The following SMC5 variants were observed in gnomAD, a reference collection of about 807,000 sequenced individuals.
The protein encoded by SMC5 is structural maintenance of chromosomes 5, also known as structural maintenance of chromosomes protein 5.
A neutral mutation model predicts 148.3 loss-of-function variants in SMC5; 88 were observed. That is an observed-to-expected ratio of 0.59 (90% CI 0.50 to 0.71). The LOEUF is 0.71. Ranked by LOEUF, SMC5 falls within the 30% of genes least tolerant of loss-of-function variation. The probability of loss-of-function intolerance (pLI) is 0.00; values close to 1 mark genes in which losing one functional copy is unlikely to be tolerated. For missense variants in SMC5, 1,142 were observed against 1,298.9 expected, an observed-to-expected ratio of 0.88 and a Z score of 1.86; for synonymous variants, 421 against 432.8, an observed-to-expected ratio of 0.97 and a Z score of 0.34.
At chr9:70,347,793 T>A in intron 21 of SMC5, 76 bp downstream of exon 21, 1 of 1,258,174 alleles carries the variant, frequency 7.9e-7, no homozygotes, top group Non-Finnish European at 1.1e-6. Context: ...GAAAATGAGA[T>A]GACATGCTTC....
chr9:70,272,542 A>G (rs2034481060), intron 3 of SMC5, among the ~76,000 whole-genome samples: 1 of 152,108 alleles, frequency 6.6e-6, no homozygotes, highest in African/African-American at 2.4e-5. Flanking sequence ...GCGAGACTCC[A>G]TCTCCACACA....
chr9:70,297,721 A>G (rs1368614944), intron 8 of SMC5, among the ~76,000 whole-genome samples: 1 of 152,186 alleles, frequency 6.6e-6, no homozygotes, highest in East Asian at 1.9e-4. Flanking sequence ...GGAAATATTT[A>G]ATGAGTGTTA....
intron 8 of SMC5, among the ~76,000 whole-genome samples, chr9:70,294,535 G>A (rs984748328): frequency 6.6e-6 from 1 of 152,176 alleles, no homozygotes; most frequent in Non-Finnish European, 1.5e-5. Flanking sequence ...GGAAAGAAAT[G>A]TAAAAAGGTA....
intron 12 of SMC5, 46 bp downstream of exon 12, chr9:70,314,882 A>C: frequency 8.8e-7 from 1 of 1,134,780 alleles, no homozygotes. Flanking sequence ...TGAATTATTC[A>C]ACATTTATTG....
At chr9:70,305,065 TATTG>T (rs1385640297) in intron 10 of SMC5, among the ~76,000 whole-genome samples, 178 bp from the exon 11 acceptor site, 5 of 152,302 alleles carry the variant, frequency 3.3e-5, no homozygotes, top group African/African-American at 1.2e-4. Context: ...CCATGTACTG[TATTG>T]ATTGTTTCTG....
At chr9:70,342,773 C>T (rs1233325348) in intron 17 of SMC5, among the ~76,000 whole-genome samples, 1 of 152,122 alleles carries the variant, frequency 6.6e-6, no homozygotes, top group African/African-American at 2.4e-5. Flanking sequence ...GCAGTCTGGC[C>T]CTTGTCCATT....
Position 70,353,422 on chromosome 9 carries a change from T to C in SMC5, c.*1091T>C, listed in dbSNP as rs1318831007. 6.6e-6 allele frequency: 1 copy of C among 152,188 alleles called. No individual in the cohort carries two copies. The highest frequency in any genetic ancestry group is 1.9e-4 in the East Asian group (1 of 5,200). 9.4% of individuals were successfully genotyped at this position (152,188 alleles called of 1,614,324 possible). ...TTTATCTCTAAGTTATACTAATTAG[T>C]AGAACCAAACAAATTATCTTCTTTT... On this transcript the variant is annotated 3_prime_UTR_variant, in exon 25 of 25. Coordinates refer to ENST00000361138, the MANE Select transcript of SMC5 (RefSeq NM_015110.4).
intron 8 of SMC5, among the ~76,000 whole-genome samples, chr9:70,293,946 G>A (rs2035131191): frequency 6.6e-6 from 1 of 152,050 alleles, no homozygotes; most frequent in African/African-American, 2.4e-5. Flanking sequence ...TGGAATTTTT[G>A]TTTTTAATGG....
At chr9:70,278,141 C>CT (rs545684294) in intron 4 of SMC5, among the ~76,000 whole-genome samples, 6 of 150,746 alleles carry the variant, frequency 4.0e-5, no homozygotes, top group Non-Finnish European at 8.9e-5. Flanking sequence ...TTGAAATTGC[C>CT]TTTTTTTTTC....
At chr9:70,343,089 A>T (rs376138203) in intron 17 of SMC5, among the ~76,000 whole-genome samples, 1 of 151,614 alleles carries the variant, frequency 6.6e-6, no homozygotes, top group Admixed American at 6.6e-5. Flanking sequence ...GATCTGAATC[A>T]TGACAGTCTC....
At chr9:70,278,277 T>C (rs1175996017) in intron 4 of SMC5, among the ~76,000 whole-genome samples, 3 of 152,112 alleles carry the variant, frequency 2.0e-5, no homozygotes, top group African/African-American at 7.2e-5. Flanking sequence ...CCTTGAAATA[T>C]TGGCACAGAA....
intron 6 of SMC5, among the ~76,000 whole-genome samples, chr9:70,282,066 T>TA (rs1436787760): frequency 6.6e-6 from 1 of 151,836 alleles, no homozygotes; most frequent in East Asian, 1.9e-4. Context: ...TTACCCTTTA[T>TA]ACTTGAGTTT....
chr9:70,297,202 G>A (rs74793950), intron 8 of SMC5, among the ~76,000 whole-genome samples: 10,492 of 152,188 alleles, frequency 0.069, 580 homozygotes, highest in East Asian at 0.22. Flanking sequence ...CACATAGCCT[G>A]AATGTAATTT....
At chr9:70,327,795 G>T (rs1456396816) in intron 17 of SMC5, among the ~76,000 whole-genome samples, 1 of 152,148 alleles carries the variant, frequency 6.6e-6, no homozygotes, top group African/African-American at 2.4e-5. Context: ...CCACCACTGT[G>T]GAATAGGGTA....
At chr9:70,311,297 A>G (rs899635037) in intron 11 of SMC5, 1 of 152,190 alleles carries the variant, frequency 6.6e-6, no homozygotes, top group Non-Finnish European at 1.5e-5. Flanking sequence ...GTGTCAGGGA[A>G]TAGGGACACC....
At chr9:70,335,608 A>G (rs1201204829) in intron 17 of SMC5, among the ~76,000 whole-genome samples, 3 of 152,238 alleles carry the variant, frequency 2.0e-5, no homozygotes, top group African/African-American at 7.2e-5. Context: ...TGATGCACAC[A>G]TAAATGAATC....
intron 3 of SMC5, among the ~76,000 whole-genome samples, chr9:70,268,979 G>A (rs1040452348): frequency 6.6e-6 from 1 of 152,110 alleles, no homozygotes; most frequent in African/African-American, 2.4e-5. Flanking sequence ...CATTATTTAG[G>A]TGATTTTTAG....
intron 2 of SMC5, among the ~76,000 whole-genome samples, chr9:70,265,408 A>G (rs1055490346): frequency 2.6e-5 from 4 of 152,184 alleles, no homozygotes; most frequent in African/African-American, 9.6e-5. Context: ...ATAGTGAGCC[A>G]AGATCGCACC....
chr9:70,286,592 A>G (rs1053068629), intron 8 of SMC5, among the ~76,000 whole-genome samples: 12 of 152,212 alleles, frequency 7.9e-5, no homozygotes, highest in African/African-American at 2.7e-4. Flanking sequence ...TGTTGTTTAA[A>G]ACACAGAAAT....
Sources: allele counts gnomAD v4.1 joint callset (sites outside exome capture counted in the v4.1 genomes callset), GRCh38; gene constraint gnomAD v4.1.1; transcripts MANE v1.5; gene names NCBI Gene and HGNC (gene_info 2026-07-23, HGNC 2026-07-21).